DDX55: variants seen among roughly 807,000 people sequenced by gnomAD.
DDX55 encodes ATP-dependent RNA helicase DDX55.
Under a neutral mutation model 69.2 loss-of-function variants are expected in DDX55, and 56 were observed. The observed-to-expected ratio is 0.81, with a 90% CI of 0.65 to 1.01. DDX55 has a LOEUF of 1.01. DDX55 is among the 50% of genes least tolerant of loss of function. The pLI is 0.00. For synonymous variants in DDX55, 268 were observed against 273.1 expected, an observed-to-expected ratio of 0.98 and a Z score of 0.18; for missense variants, 720 against 745.1, an observed-to-expected ratio of 0.97 and a Z score of 0.39.
intron 3 of DDX55, among the ~76,000 whole-genome samples, chr12:123,606,653 T>C (rs1251847141): frequency 2.0e-5 from 3 of 151,088 alleles, no homozygotes; most frequent in African/African-American, 4.9e-5. Flanking sequence ...TGCAGTGGTG[T>C]GATCTCATCT....
chr12:123,608,945 T>C (rs1954046448), intron 6 of DDX55, 116 bp downstream of exon 6: 1 of 1,021,654 alleles, frequency 9.8e-7, no homozygotes, highest in Non-Finnish European at 1.3e-6. Flanking sequence ...TTTTCATTTT[T>C]ATTTATTTTT....
chr12:123,608,481 C>A, intron 5 of DDX55, 199 bp from the exon 6 acceptor site: 1 of 570,694 alleles, frequency 1.8e-6, no homozygotes, highest in Non-Finnish European at 3.0e-6. Context: ...TTGCCTAGGT[C>A]ATAGCCCAGA....
At chr12:123,609,918 T>C (rs779709225) in intron 6 of DDX55, 21 bp from the exon 7 acceptor site, 3 of 1,607,700 alleles carry the variant, frequency 1.9e-6, no homozygotes, top group South Asian at 2.2e-5. Flanking sequence ...AGCGGTTAAG[T>C]GTGAGCCCTC....
At chr12:123,618,554 C>T in intron 11 of DDX55, 115 bp from the exon 12 acceptor site, 1 of 1,540,690 alleles carries the variant, frequency 6.5e-7, no homozygotes, top group Non-Finnish European at 8.7e-7. Flanking sequence ...GGGCTTCAGA[C>T]CTCAACAGTT....
chr12:123,619,820 G>A, intron 13 of DDX55, 96 bp downstream of exon 13: 2 of 1,517,482 alleles, frequency 1.3e-6, no homozygotes, highest in Admixed American at 2.3e-5. Context: ...TCAGATTTCT[G>A]TTACGTTGGC....
chr12:123,613,595 G>T (rs1414023324), intron 8 of DDX55, among the ~76,000 whole-genome samples: 1 of 152,054 alleles, frequency 6.6e-6, no homozygotes, highest in African/African-American at 2.4e-5. Context: ...AGATAAGGGG[G>T]GAAAGGCAGA....
intron 11 of DDX55, 47 bp from the exon 12 acceptor site, chr12:123,618,622 T>A (rs1023812968): frequency 6.3e-7 from 1 of 1,591,456 alleles, no homozygotes; most frequent in Admixed American, 1.7e-5. Flanking sequence ...CCTGGGGATA[T>A]GATGCCAGCC....
In DDX55 at chr12:123,609,938, G is replaced by A. The variant is rs1299927879; in HGVS notation, c.552-1G>A. 5 of 1,612,586 alleles carry A rather than the reference G, an allele frequency of 3.1e-6. No individual in the cohort carries two copies. Reference sequence around the variant, plus strand: ...TTAAGTGTGAGCCCTCTTTTTATCAGCATCAACACCATTCTGGAGTTTTTG... The same window carrying A: ...TTAAGTGTGAGCCCTCTTTTTATCAACATCAACACCATTCTGGAGTTTTTG... On this transcript the variant is annotated splice_acceptor_variant, in intron 6 of 13. Coordinates refer to ENST00000238146, the MANE Select transcript of DDX55 (RefSeq NM_020936.3). LOFTEE classifies it high-confidence loss of function.
Position 123,607,539 on chromosome 12 carries a change from T to C in DDX55, c.338+16T>C, listed in dbSNP as rs181627413. On this transcript the variant is annotated intron_variant, in intron 4 of 13. Transcript: ENST00000238146. ...CCGAGTTCAGGTGAATTGGATGCAG[T>C]GTCCCTGTTAGTCATGGGCTGTTTT... 3.5e-5 allele frequency: 57 copies of C among 1,614,228 alleles called. No individual in the cohort carries two copies. The African/African-American group carries it at 6.9e-4, about 20-fold the overall frequency.
rs934540465 is a variant in DDX55, at chr12:123,619,999, T to A, written c.1662T>A (p.Leu554=). 8.1e-6 allele frequency: 13 copies of A among 1,614,008 alleles called. No homozygotes were observed. The highest frequency in any genetic ancestry group is 1.1e-5 in the Non-Finnish European group (13 of 1,179,954). The change falls in exon 14 of 14, where the codon CTT becomes CTA. Residue 554 remains leucine, a synonymous_variant. Coordinates refer to ENST00000238146, the MANE Select transcript of DDX55 (RefSeq NM_020936.3). ...SDIEDEDMEE[L]LNDTRLLKKL... The stretch of plus-strand genomic sequence containing the variant: ...TTGAAGATGAGGACATGGAAGAACT[T>A]CTTAATGACACAAGACTCTTGAAAA...
chr12:123,616,824 A>G (rs1419887489), intron 10 of DDX55: 2 of 517,514 alleles, frequency 3.9e-6, no homozygotes, highest in Middle Eastern at 4.0e-4. Flanking sequence ...GCAAGGTTAT[A>G]GAAATTTCAG....
chr12:123,607,469 C>CAA lies in DDX55; in HGVS notation c.284_285insAA (p.Ile96ThrfsTer4). 1 of 1,614,138 alleles carries CAA rather than the reference C, an allele frequency of 6.2e-7. No homozygotes were observed. On this transcript the variant is annotated frameshift_variant, in exon 4 of 14. Coordinates refer to ENST00000238146, the MANE Select transcript of DDX55 (RefSeq NM_020936.3). LOFTEE classifies it high-confidence loss of function. The stretch of plus-strand genomic sequence containing the variant: ...ATCATCACCCCCACTCGAGAGCTGG[C>CAA]CATTCAAATAGACGAGGTCCTGTCG...
rs140283575 is a variant in DDX55, at chr12:123,612,428, T to C, written c.742-742T>C. 2.0e-4 allele frequency among the ~76,000 whole-genome samples: 31 copies of C among 152,340 alleles called. No individual in the cohort carries two copies. In the East Asian group the frequency reaches 5.4e-3, roughly 27 times the overall value. On this transcript the variant is annotated intron_variant, in intron 7 of 13. Transcript: ENST00000238146. ...GATGAATGCATTCAGGTGAATTTAA[T>C]GTCTCTAATTTGGGAGTTTGAATGG...
chr12:123,614,963 G>C (rs148122777), intron 8 of DDX55, among the ~76,000 whole-genome samples: 1 of 152,264 alleles, frequency 6.6e-6, no homozygotes, highest in Non-Finnish European at 1.5e-5. Flanking sequence ...TTTAATTCAT[G>C]TTTAAGGGAT....
intron 4 of DDX55, 23 bp downstream of exon 4, chr12:123,607,546 G>A: frequency 6.2e-7 from 1 of 1,614,204 alleles, no homozygotes; most frequent in Non-Finnish European, 8.5e-7. Flanking sequence ...CAGTGTCCCT[G>A]TTAGTCATGG....
chr12:123,616,421 G>T (rs1341662885), intron 9 of DDX55, 90 bp from the exon 10 acceptor site: 7 of 1,142,844 alleles, frequency 6.1e-6, no homozygotes, highest in Non-Finnish European at 7.9e-6. Flanking sequence ...TCCAGCACCT[G>T]TGTGTCACTG....
Position 123,608,685 on chromosome 12 carries a change from A to G in DDX55, c.407A>G (p.Asn136Ser). The change falls in exon 6 of 14, where the codon AAC becomes AGC. Residue 136 changes from asparagine to serine, a missense_variant. Coordinates refer to ENST00000238146, the MANE Select transcript of DDX55 (RefSeq NM_020936.3). ...DVERFKQQGGNIIVATPGRLE... is the reference protein window; with the variant it reads ...DVERFKQQGGSIIVATPGRLE... ...TGTTAACTTTCTTTCCAAAGTGGGA[A>G]CATCATTGTGGCCACTCCAGGCCGC... is the stretch of plus-strand genomic sequence containing the variant. 1 of 1,613,040 alleles carries G rather than the reference A, an allele frequency of 6.2e-7. No individual in the cohort carries two copies. Among genetic ancestry groups the G allele is most frequent in the East Asian group, 2.2e-5 (1 of 44,876 alleles).
At position 123,611,116 on chromosome 12, in the gene DDX55, G is replaced by T. The variant is rs189478097; in HGVS notation, c.741+988G>T. On this transcript the variant is annotated intron_variant, in intron 7 of 13. Coordinates refer to ENST00000238146, the MANE Select transcript of DDX55 (RefSeq NM_020936.3). ...GGGTTTCACCACATTGGACAGGCTG[G>T]TCTTGAACTCCTGACCTCATGATCC... is the stretch of plus-strand genomic sequence containing the variant. Among the ~76,000 whole-genome samples the T allele has an allele frequency of 5.4e-3, 822 of 151,762 alleles. 7 individuals are homozygous for T. The highest frequency in any genetic ancestry group is 0.019 in the African/African-American group (776 of 41,344).
At chr12:123,612,221 CA>C (rs1256838316) in intron 7 of DDX55, among the ~76,000 whole-genome samples, 2 of 152,120 alleles carry the variant, frequency 1.3e-5, no homozygotes, top group Non-Finnish European at 2.9e-5. Context: ...TGAAAAAATT[CA>C]AAAGCCAAAA....
Sources: gnomAD v4.1 joint callset for allele counts (sites outside exome capture counted in the v4.1 genomes callset) on GRCh38, gnomAD v4.1.1 for gene constraint, MANE v1.5 for transcripts, NCBI Gene and HGNC (gene_info 2026-07-23, HGNC 2026-07-21) for gene names.